Variants in PCDHA12 observed in about 807,000 individuals in gnomAD.
PCDHA12 encodes the protein protocadherin alpha 12.
A neutral mutation model predicts 60.0 loss-of-function variants in PCDHA12; 44 were observed. The observed-to-expected ratio is 0.73, with a 90% CI of 0.58 to 0.94. The LOEUF (loss-of-function observed/expected upper bound fraction) is 0.94, where lower values mean the gene tolerates loss of function less well. Ranked by LOEUF, PCDHA12 falls within the 40% of genes least tolerant of loss-of-function variation. The pLI, the probability that PCDHA12 is intolerant of heterozygous loss-of-function variation, is 0.00. For synonymous variants in PCDHA12, 569 were observed against 553.0 expected (o/e 1.03, Z -0.40); for missense variants, 1,276 against 1,239.7 (o/e 1.03, Z -0.44).
chr5:141,009,852 A>G lies in PCDHA12; in HGVS notation c.2741A>G (p.Lys914Arg), dbSNP rs1554262492. The G allele has an allele frequency of 6.2e-7, 1 of 1,614,074 alleles. No homozygotes were observed. Among genetic ancestry groups the G allele is most frequent in the East Asian group, 2.2e-5 (1 of 44,874 alleles). ...FITFGKKEET[K>R]KKKKKKKGNK... ...ACCTTCGGCAAAAAGGAGGAGACCA[A>G]GAAAAAGAAGAAAAAGAAGAAGGGT... Residue 914 changes from lysine (K) to arginine (R), a missense_variant, in exon 4 of 4, where the codon AAG becomes AGG. Physicochemically the swap from Lys to Arg is conservative, Grantham distance 26. Coordinates refer to ENST00000398631, the MANE Select transcript of PCDHA12 (RefSeq NM_018903.4).
rs1478449575 is a variant in PCDHA12 at position 141,010,392 on chromosome 5, G to A, written c.*455G>A. The stretch of plus-strand genomic sequence containing the variant: ...GCGAGTGCCAGATATTGGCTGAGAC[G>A]AGCCAGCTTAGACTAATTGGTACAA... On this transcript the variant is annotated 3_prime_UTR_variant, in exon 4 of 4. Transcript: ENST00000398631. The A allele has an allele frequency of 8.0e-6, 11 of 1,381,722 alleles. No individual in the cohort carries two copies. The highest frequency in any genetic ancestry group is 7.3e-5 in the African/African-American group (5 of 68,772). The allele number at this position is 1,381,722 out of a possible 1,614,324, so 85.6% of individuals were successfully genotyped here. A position where few individuals can be genotyped will look rare whatever the true frequency, so the allele number is the denominator to read the frequency against.
At chr5:140,917,287 G>A (rs190210744) in intron 1 of PCDHA12, among the ~76,000 whole-genome samples, 51 of 147,686 alleles carry the variant, frequency 3.5e-4, no homozygotes, top group Admixed American at 7.7e-4. Flanking sequence ...ACGCTTTTCC[G>A]TGTGCAGATA....
At chr5:140,999,159 G>A (rs1056236953) in intron 3 of PCDHA12, among the ~76,000 whole-genome samples, 2 of 152,182 alleles carry the variant, frequency 1.3e-5, no homozygotes, top group African/African-American at 2.4e-5. Flanking sequence ...CAGTCCCCTA[G>A]AAGGAAAAGA....
intron 1 of PCDHA12, among the ~76,000 whole-genome samples, chr5:140,964,435 C>G (rs2095833359): frequency 6.6e-6 from 1 of 152,108 alleles, no homozygotes; most frequent in African/African-American, 2.4e-5. Context: ...AATTACCAAG[C>G]CTCTGCCACT....
At position 140,876,058 on chromosome 5, in the gene PCDHA12, C is replaced by T. The variant is rs781906188; in HGVS notation, c.586C>T (p.Leu196Phe). 1 of 1,613,868 alleles carries T rather than the reference C, an allele frequency of 6.2e-7. No individual in the cohort carries two copies. Among genetic ancestry groups the T allele is most frequent in the Middle Eastern group, 1.6e-4 (1 of 6,062 alleles). The change falls in exon 1 of 4, where the codon CTT (leucine) becomes TTT (phenylalanine). Residue 196 changes from leucine to phenylalanine, a missense_variant. Leu to Phe is a conservative substitution (Grantham distance 22). Transcript: ENST00000398631. ...TAAAAGTATATTGCCTGAATTAGTT[C>T]TTCGGAAGTTATTGGACAGAGAGCA... ...KDKSILPELVLRKLLDREQTP... is the reference protein window; with the variant it reads ...KDKSILPELVFRKLLDREQTP...
intron 1 of PCDHA12, among the ~76,000 whole-genome samples, chr5:140,907,450 T>C (rs1235040607): frequency 1.1e-4 from 17 of 152,218 alleles, no homozygotes; most frequent in Non-Finnish European, 2.5e-4. Context: ...CAGATGGTAA[T>C]CTTGGCAGAA....
chr5:140,907,365 G>A (rs782137145), intron 1 of PCDHA12, among the ~76,000 whole-genome samples: 20 of 152,178 alleles, frequency 1.3e-4, no homozygotes, highest in African/African-American at 2.4e-4. Flanking sequence ...TTCTTTAGTC[G>A]TAAAGTGAGT....
At chr5:140,911,814 C>T (rs1165066555) in intron 1 of PCDHA12, among the ~76,000 whole-genome samples, 2 of 152,136 alleles carry the variant, frequency 1.3e-5, no homozygotes, top group African/African-American at 4.8e-5. Context: ...GCAGCCTTCT[C>T]CAGAAACCCC....
intron 1 of PCDHA12, among the ~76,000 whole-genome samples, chr5:140,978,326 G>A: frequency 6.6e-6 from 1 of 152,202 alleles, no homozygotes; most frequent in East Asian, 1.9e-4. Flanking sequence ...ACAAGTACAA[G>A]TTTATGAAAA....
At chr5:140,883,366 C>T (rs34923516) in intron 1 of PCDHA12, 1 of 1,614,174 alleles carries the variant, frequency 6.2e-7, no homozygotes, top group South Asian at 1.1e-5. Context: ...CTCAGCCTAG[C>T]GCCATTATTG....
chr5:140,914,473 G>A (rs1162580496), intron 1 of PCDHA12, among the ~76,000 whole-genome samples: 1 of 152,116 alleles, frequency 6.6e-6, no homozygotes, highest in Admixed American at 6.6e-5. Flanking sequence ...TATCTTCATA[G>A]GTGAAGTGTT....
chr5:140,962,389 G>A (rs551530521), intron 1 of PCDHA12, among the ~76,000 whole-genome samples: 3 of 152,170 alleles, frequency 2.0e-5, no homozygotes, highest in African/African-American at 4.8e-5. Context: ...TTAATATTAC[G>A]CAATCTGCCC....
intron 1 of PCDHA12, among the ~76,000 whole-genome samples, chr5:140,898,597 G>T (rs1452719602): frequency 6.6e-6 from 1 of 152,186 alleles, no homozygotes; most frequent in Non-Finnish European, 1.5e-5. Context: ...CTGTAGCCTT[G>T]TAGTATAGTT....
At position 141,009,622 on chromosome 5, in the gene PCDHA12, T is replaced by C. The variant is rs782517998; in HGVS notation, c.2516-5T>C. On this transcript the variant is annotated splice_region_variant and splice_polypyrimidine_tract_variant and intron_variant, in intron 3 of 3. Coordinates refer to ENST00000398631, the MANE Select transcript of PCDHA12 (RefSeq NM_018903.4). ...GTTAATGATTTGTAATGTTTTGTCT[T>C]TCAGAACCAGAGGCAGGAGAAGTGT... is the stretch of plus-strand genomic sequence containing the variant. 6.2e-7 allele frequency: 1 copy of C among 1,612,598 alleles called. No homozygotes were observed.
chr5:140,954,599 C>T (rs1554221480), intron 1 of PCDHA12, among the ~76,000 whole-genome samples: 1 of 152,042 alleles, frequency 6.6e-6, no homozygotes, highest in East Asian at 1.9e-4. Flanking sequence ...ATGTTCTTTG[C>T]CCACTTTTTA....
Position 141,009,697 on chromosome 5 carries a change from C to T in PCDHA12, c.2586C>T (p.Tyr862=), listed in dbSNP as rs1554262284. ...ACAGCAACAGCTGGACCTTTAAATA[C>T]GGACCAGGCAACCCCAAACAATCCG... ...GVNSNSWTFK[Y]GPGNPKQSGP... The change falls in exon 4 of 4, where the codon TAC becomes TAT. Residue 862 remains tyrosine (Y), a synonymous_variant. Coordinates refer to ENST00000398631, the MANE Select transcript of PCDHA12 (RefSeq NM_018903.4). 1.1e-5 allele frequency: 17 copies of T among 1,613,952 alleles called. No individual in the cohort carries two copies. The highest frequency in any genetic ancestry group is 1.1e-5 in the South Asian group (1 of 91,066).
chr5:140,921,151 A>AT (rs11299094), intron 1 of PCDHA12, among the ~76,000 whole-genome samples: 2 of 151,512 alleles, frequency 1.3e-5, no homozygotes. Context: ...CAGCTAATGC[A>AT]TTTTTTTTTT....
chr5:140,876,671 C>A lies in PCDHA12; in HGVS notation c.1199C>A (p.Thr400Asn). ...CATGTTCCCTTCAAGCTGGTGTCCA[C>A]CTACAAGAATTACTACTCGTTGGTG... ...TPHVPFKLVSTYKNYYSLVLD... is the reference protein window; with the variant it reads ...TPHVPFKLVSNYKNYYSLVLD... Residue 400 changes from threonine (T) to asparagine (N), a missense_variant, in exon 1 of 4, where the codon ACC (threonine) becomes AAC (asparagine). Thr to Asn is a moderately conservative substitution (Grantham distance 65, BLOSUM62 0). Coordinates refer to ENST00000398631, the MANE Select transcript of PCDHA12 (RefSeq NM_018903.4). 6.2e-7 allele frequency: 1 copy of A among 1,614,212 alleles called. No homozygotes were observed. Among genetic ancestry groups the A allele is most frequent in the African/African-American group, 1.3e-5 (1 of 75,062 alleles).
At chr5:140,892,537 CTT>C (rs570429050) in intron 1 of PCDHA12, among the ~76,000 whole-genome samples, 2 of 152,252 alleles carry the variant, frequency 1.3e-5, no homozygotes, top group South Asian at 4.1e-4. Flanking sequence ...AGGATTCTGA[CTT>C]TTGTTTCTCT....
Sources: gnomAD v4.1 joint callset for allele counts (sites outside exome capture counted in the v4.1 genomes callset) on GRCh38, gnomAD v4.1.1 for gene constraint, MANE v1.5 for transcripts, NCBI Gene and HGNC (gene_info 2026-07-23, HGNC 2026-07-21) for gene names.